The following ARHGAP8 variants were observed in gnomAD, a reference collection of about 807,000 sequenced individuals.
The protein encoded by ARHGAP8 is rho GTPase-activating protein 8.
ARHGAP8 carries 62 observed loss-of-function variants against 46.1 expected under a neutral mutation model. The observed-to-expected ratio is 1.34, with a 90% CI of 1.10 to 1.66. ARHGAP8 has a LOEUF of 1.66. Ranked by LOEUF, ARHGAP8 falls within the 40% of genes most tolerant of loss-of-function variation. ARHGAP8 has a pLI of 0.00. For synonymous variants in ARHGAP8, 375 were observed against 243.1 expected (o/e 1.54, Z -5.05); for missense variants, 923 against 568.4 (o/e 1.62, Z -6.34).
intron 5 of ARHGAP8, among the ~76,000 whole-genome samples, chr22:44,819,609 G>A (rs1440912129): frequency 6.6e-6 from 1 of 152,144 alleles, no homozygotes; most frequent in Non-Finnish European, 1.5e-5. Context: ...GGAGACGGAG[G>A]TTGCAGTGAG....
chr22:44,809,370 G>A (rs992368799), intron 4 of ARHGAP8: 2 of 363,424 alleles, frequency 5.5e-6, no homozygotes, highest in African/African-American at 2.1e-5. Context: ...CATCCTGCCT[G>A]CCCATTCTCC....
At position 44,862,384 on chromosome 22, in the gene ARHGAP8, T is replaced by G. The variant is rs771514542; in HGVS notation, c.1091T>G (p.Val364Gly). The stretch of plus-strand genomic sequence containing the variant: ...GGGGTCTCCTCCCTGAGTGCCCTTG[T>G]GCCCCTGAACATGTTCACTGAACTG... Reference protein sequence around the residue: ...SQGVSSLSALVPLNMFTELLI... With the variant: ...SQGVSSLSALGPLNMFTELLI... Residue 364 changes from valine to glycine, a missense_variant, in exon 12 of 12, where the codon GTG (valine) becomes GGG (glycine). By Grantham distance (109) the Val-to-Gly change is moderately radical. Transcript: ENST00000356099. 2.5e-6 allele frequency: 4 copies of G among 1,614,028 alleles called. No individual in the cohort carries two copies. In the East Asian group the frequency reaches 6.7e-5, roughly 27 times the overall value.
intron 1 of ARHGAP8, among the ~76,000 whole-genome samples, chr22:44,774,842 CG>C (rs1322472490): frequency 2.0e-5 from 3 of 150,298 alleles, no homozygotes; most frequent in South Asian, 2.1e-4. Flanking sequence ...GGGGTGGGGG[CG>C]GGGGGCGGAT....
At chr22:44,785,061 GGAAGCAGCTTCCAGCCCATGT>G (rs955463860) in intron 1 of ARHGAP8, among the ~76,000 whole-genome samples, 1 of 152,176 alleles carries the variant, frequency 6.6e-6, no homozygotes, top group Non-Finnish European at 1.5e-5. Flanking sequence ...GGGAGGTGTG[GGAAGCAGCTTCCAGCCCATGT>G]GAGGCAGCCC....
chr22:44,769,791 A>G (rs968517375), intron 1 of ARHGAP8, among the ~76,000 whole-genome samples: 1 of 152,206 alleles, frequency 6.6e-6, no homozygotes, highest in South Asian at 2.1e-4. Flanking sequence ...TGCGGTAAAG[A>G]AACAGTTTCA....
intron 2 of ARHGAP8, among the ~76,000 whole-genome samples, chr22:44,789,674 G>GT (rs1265078476): frequency 4.0e-5 from 6 of 150,482 alleles, no homozygotes; most frequent in Non-Finnish European, 7.4e-5. Context: ...AATTTTCTTG[G>GT]TTTTTTTGTA....
intron 1 of ARHGAP8, among the ~76,000 whole-genome samples, chr22:44,762,930 TCC>T (rs1014698380): frequency 1.1e-4 from 16 of 152,042 alleles, no homozygotes; most frequent in Non-Finnish European, 2.2e-4. Context: ...ATGGGGGCTG[TCC>T]CAGAGGAACC....
intron 8 of ARHGAP8, among the ~76,000 whole-genome samples, chr22:44,846,538 G>A (rs2069961199): frequency 6.6e-6 from 1 of 152,222 alleles, no homozygotes; most frequent in African/African-American, 2.4e-5. Flanking sequence ...TGCTCAGCTG[G>A]CAGGTGAGCA....
At chr22:44,794,911 C>T (rs879368697) in intron 2 of ARHGAP8, among the ~76,000 whole-genome samples, 6 of 151,314 alleles carry the variant, frequency 4.0e-5, no homozygotes, top group Non-Finnish European at 8.8e-5. Context: ...TGCTTTAGCT[C>T]GAGCCTGTAA....
intron 2 of ARHGAP8, among the ~76,000 whole-genome samples, chr22:44,790,543 GCA>G (rs1927585009): frequency 6.6e-6 from 1 of 151,706 alleles, no homozygotes; most frequent in South Asian, 2.1e-4. Context: ...AGGTGTGGTG[GCA>G]CATATCTGTA....
chr22:44,857,048 C>G (rs1470291354), intron 10 of ARHGAP8, among the ~76,000 whole-genome samples: 6 of 142,254 alleles, frequency 4.2e-5, no homozygotes, highest in Admixed American at 2.7e-4. Context: ...TCAAATGACT[C>G]TGTTGCCTCA....
At chr22:44,774,242 A>G (rs132472) in intron 1 of ARHGAP8, among the ~76,000 whole-genome samples, 20,106 of 152,144 alleles carry the variant, frequency 0.13, 2,076 homozygotes, top group African/African-American at 0.29. Flanking sequence ...AACTGTTGAT[A>G]GAGATGGATT....
At chr22:44,769,984 G>T (rs1925875742) in intron 1 of ARHGAP8, among the ~76,000 whole-genome samples, 1 of 152,180 alleles carries the variant, frequency 6.6e-6, no homozygotes, top group South Asian at 2.1e-4. Context: ...AGTGGCTCAA[G>T]CCTGTAATGC....
intron 1 of ARHGAP8, among the ~76,000 whole-genome samples, chr22:44,756,457 C>A (rs943860860): frequency 6.6e-6 from 1 of 152,104 alleles, no homozygotes; most frequent in African/African-American, 2.4e-5. Context: ...TTTATTTTTT[C>A]ATTTCAGTTC....
intron 11 of ARHGAP8, among the ~76,000 whole-genome samples, chr22:44,860,494 G>A (rs1384891830): frequency 6.6e-6 from 1 of 151,846 alleles, no homozygotes; most frequent in African/African-American, 2.4e-5. Flanking sequence ...CCTGCCATAT[G>A]TCACTGGGTT....
chr22:44,786,693 G>A (rs1027476791), intron 2 of ARHGAP8, 87 bp downstream of exon 2: 109 of 1,500,332 alleles, frequency 7.3e-5, no homozygotes, highest in Non-Finnish European at 9.4e-5. Flanking sequence ...CTCGTCAGGG[G>A]CTGCCTCACT....
At chr22:44,828,841 T>C (rs61109199) in intron 7 of ARHGAP8, among the ~76,000 whole-genome samples, 2,240 of 152,218 alleles carry the variant, frequency 0.015, 61 homozygotes, top group African/African-American at 0.052. Context: ...GCTGGGCTGA[T>C]ACTGCTTCCA....
chr22:44,859,046 T>C (rs1277424940), intron 10 of ARHGAP8, among the ~76,000 whole-genome samples: 1 of 151,642 alleles, frequency 6.6e-6, no homozygotes, highest in Non-Finnish European at 1.5e-5. Flanking sequence ...GTGGGCCAGA[T>C]CTAAGCCATG....
chr22:44,772,108 G>GTGAGTCT (rs1306541433), intron 1 of ARHGAP8, among the ~76,000 whole-genome samples: 1 of 151,128 alleles, frequency 6.6e-6, no homozygotes, highest in Non-Finnish European at 1.5e-5. Context: ...TTTATTATGA[G>GTGAGTCT]TGAGTCTTGA....
Sources: allele counts gnomAD v4.1 joint callset (sites outside exome capture counted in the v4.1 genomes callset), GRCh38; gene constraint gnomAD v4.1.1; transcripts MANE v1.5; gene names NCBI Gene and HGNC (gene_info 2026-07-23, HGNC 2026-07-21).